GLRA1: variants seen among roughly 807,000 people sequenced by gnomAD.
GLRA1 encodes the protein glycine receptor subunit alpha-1.
In GLRA1, 37 loss-of-function variants were observed where a neutral mutation model predicts 48.3. The ratio of observed to expected loss-of-function variants is 0.77; its 90% CI spans 0.59 to 1.01. GLRA1 has a LOEUF of 1.01. Among genes scored for constraint, GLRA1 ranks in the 50% least tolerant of loss-of-function variants. GLRA1 has a pLI of 0.00. For missense variants in GLRA1, 427 were observed against 571.0 expected, an observed-to-expected ratio of 0.75 and a Z score of 2.57; for synonymous variants, 196 against 210.7, an observed-to-expected ratio of 0.93 and a Z score of 0.60.
At chr5:151,906,204 A>C (rs1410296753) in intron 1 of GLRA1, among the ~76,000 whole-genome samples, 2 of 152,230 alleles carry the variant, frequency 1.3e-5, no homozygotes, top group African/African-American at 4.8e-5. Context: ...ATACATATCA[A>C]GTGAGAACTG....
At chr5:151,896,880 T>C (rs1754238993) in intron 1 of GLRA1, among the ~76,000 whole-genome samples, 1 of 152,226 alleles carries the variant, frequency 6.6e-6, no homozygotes, top group Non-Finnish European at 1.5e-5. Flanking sequence ...GAGAAGAGTT[T>C]ACAATTCTAG....
In GLRA1 at chr5:151,851,476, C is replaced by T. The variant is rs1474332053; in HGVS notation, c.826G>A (p.Ala276Thr). Residue 276 changes from alanine to threonine, a missense_variant, in exon 7 of 9, where the codon GCT becomes ACT. Ala to Thr is a moderately conservative substitution (Grantham distance 58, BLOSUM62 0). Transcript: ENST00000274576. ...SWISFWINMD[A>T]APARVGLGIT... is the part of the protein sequence containing the mutation. ...CCTAGGCCCACACGAGCAGGTGCAGCATCCATGTTGATCCAGAAGGAGATC... is the reference window on the plus strand; with the variant it reads ...CCTAGGCCCACACGAGCAGGTGCAGTATCCATGTTGATCCAGAAGGAGATC... 1 of 1,614,022 alleles carries T rather than the reference C, an allele frequency of 6.2e-7. No individual in the cohort carries two copies. The highest frequency in any genetic ancestry group is 2.2e-5 in the East Asian group (1 of 44,876).
intron 7 of GLRA1, among the ~76,000 whole-genome samples, chr5:151,836,446 G>GA (rs1269435412): frequency 3.9e-5 from 6 of 152,148 alleles, no homozygotes; most frequent in African/African-American, 1.4e-4. Context: ...CACAGAATTA[G>GA]AAAAAACTAC....
chr5:151,842,720 C>CT (rs1340136842), intron 7 of GLRA1, among the ~76,000 whole-genome samples: 2 of 152,134 alleles, frequency 1.3e-5, no homozygotes, highest in African/African-American at 4.8e-5. Flanking sequence ...TACTTCTATT[C>CT]TTCATTGTAC....
At chr5:151,838,144 C>T (rs1763622514) in intron 7 of GLRA1, among the ~76,000 whole-genome samples, 1 of 152,032 alleles carries the variant, frequency 6.6e-6, no homozygotes. Flanking sequence ...GTCTAAACAA[C>T]TAAAGGAAAA....
chr5:151,860,892 A>G (rs1753181131), intron 3 of GLRA1, among the ~76,000 whole-genome samples: 3 of 151,974 alleles, frequency 2.0e-5, no homozygotes, highest in South Asian at 2.1e-4. Context: ...TCACCCCACG[A>G]CAGGCCCTGG....
chr5:151,837,815 T>TA (rs1319428102), intron 7 of GLRA1, among the ~76,000 whole-genome samples: 2 of 152,062 alleles, frequency 1.3e-5, no homozygotes, highest in African/African-American at 4.8e-5. Context: ...TATTGGGTGG[T>TA]AGGGGGCTAG....
At chr5:151,834,681 C>A (rs1216220199) in intron 7 of GLRA1, among the ~76,000 whole-genome samples, 4 of 152,106 alleles carry the variant, frequency 2.6e-5, no homozygotes, top group African/African-American at 7.2e-5. Context: ...ATCAGTGAAT[C>A]CAGGGCTGGT....
chr5:151,860,019 GA>G lies in GLRA1; in HGVS notation c.253-12del. ...GTTGACCCTATAGTCCTACAGCCAG[GA>G]AATAACAAGGTGAAGGCAATGTTAG... On this transcript the variant is annotated splice_polypyrimidine_tract_variant and intron_variant, in intron 3 of 8. Coordinates refer to ENST00000274576, the MANE Select transcript of GLRA1 (RefSeq NM_000171.4). 1 of 1,604,238 alleles carries G rather than the reference GA, an allele frequency of 6.2e-7. No individual in the cohort carries two copies. Among genetic ancestry groups the G allele is most frequent in the Non-Finnish European group, 8.5e-7 (1 of 1,171,380 alleles).
At chr5:151,904,154 C>T (rs184389832) in intron 1 of GLRA1, among the ~76,000 whole-genome samples, 1 of 152,328 alleles carries the variant, frequency 6.6e-6, no homozygotes, top group Admixed American at 6.5e-5. Flanking sequence ...CAACAAGGCT[C>T]TGTGGCCAAT....
intron 3 of GLRA1, 83 bp downstream of exon 3, chr5:151,886,638 G>T: frequency 1.9e-6 from 2 of 1,038,538 alleles, no homozygotes; most frequent in Non-Finnish European, 3.0e-6. Context: ...CCACTTCCTT[G>T]GTGGAGACCA....
intron 7 of GLRA1, among the ~76,000 whole-genome samples, chr5:151,837,850 A>G (rs1431158092): frequency 6.6e-6 from 1 of 152,180 alleles, no homozygotes; most frequent in Non-Finnish European, 1.5e-5. Context: ...TAGGAGAAAT[A>G]CCTAACGTAG....
chr5:151,914,352 CT>C (rs1754688485), intron 1 of GLRA1, among the ~76,000 whole-genome samples: 1 of 152,154 alleles, frequency 6.6e-6, no homozygotes, highest in South Asian at 2.1e-4. Flanking sequence ...ATGTGGTTTT[CT>C]GGCTTAGAGA....
intron 7 of GLRA1, among the ~76,000 whole-genome samples, chr5:151,845,196 C>T (rs1752641154): frequency 6.6e-6 from 1 of 152,082 alleles, no homozygotes; most frequent in Admixed American, 6.6e-5. Flanking sequence ...CTCCTATGAT[C>T]CAAACACTTC....
intron 7 of GLRA1, among the ~76,000 whole-genome samples, chr5:151,832,461 T>C (rs1423221205): frequency 6.6e-6 from 1 of 151,250 alleles, no homozygotes; most frequent in Non-Finnish European, 1.5e-5. Flanking sequence ...ATAAATGACC[T>C]GATGGAGCTG....
intron 6 of GLRA1, among the ~76,000 whole-genome samples, chr5:151,853,338 C>T (rs1362257035): frequency 1.3e-5 from 2 of 152,018 alleles, no homozygotes; most frequent in Non-Finnish European, 2.9e-5. Flanking sequence ...CCTCTGTCTC[C>T]TGGGTTCAAG....
At chr5:151,849,086 T>G (rs572949345) in intron 7 of GLRA1, 10 of 360,962 alleles carry the variant, frequency 2.8e-5, no homozygotes, top group African/African-American at 2.6e-4. Context: ...TTCTTTTCTT[T>G]CCTTTTTATT....
chr5:151,850,041 C>T, intron 7 of GLRA1: 4 of 1,603,858 alleles, frequency 2.5e-6, no homozygotes, highest in Admixed American at 1.7e-5. Flanking sequence ...GGATAATGGA[C>T]ATGGTGAGCA....
At chr5:151,908,443 T>C (rs1754528718) in intron 1 of GLRA1, among the ~76,000 whole-genome samples, 1 of 152,148 alleles carries the variant, frequency 6.6e-6, no homozygotes, top group Non-Finnish European at 1.5e-5. Context: ...TTTTCCTTCA[T>C]TTGTTTCTGA....
Sources: gnomAD v4.1 joint callset for allele counts (sites outside exome capture counted in the v4.1 genomes callset) on GRCh38, gnomAD v4.1.1 for gene constraint, MANE v1.5 for transcripts, NCBI Gene and HGNC (gene_info 2026-07-23, HGNC 2026-07-21) for gene names.